SPEF2: variants seen among roughly 807,000 people sequenced by gnomAD.
The protein encoded by SPEF2 is sperm flagellar and cilia associated 2, also known as sperm flagella and cilia-associated protein 2.
In SPEF2, 187 loss-of-function variants were observed where a neutral mutation model predicts 224.6. That is an observed-to-expected ratio of 0.83 (90% CI 0.74 to 0.94). The LOEUF is 0.94. Among genes scored for constraint, SPEF2 ranks in the 40% least tolerant of loss-of-function variants. The pLI is 0.00. For missense variants in SPEF2, 2,170 were observed against 2,135.6 expected (o/e 1.02, Z -0.32); for synonymous variants, 715 against 707.3 (o/e 1.01, Z -0.17).
At chr5:35,649,469 T>A in intron 6 of SPEF2, 44 bp downstream of exon 6, 1 of 1,442,904 alleles carries the variant, frequency 6.9e-7, no homozygotes. Flanking sequence ...CGCATTCTGT[T>A]CTACACATAG....
chr5:35,649,335 G>T (rs1402605319), intron 5 of SPEF2, 26 bp from the exon 6 acceptor site: 1 of 1,591,546 alleles, frequency 6.3e-7, no homozygotes, highest in East Asian at 2.2e-5. Context: ...TAGAGGCAGA[G>T]AACTGATGAT....
At chr5:35,658,960 C>T (rs969423149) in intron 7 of SPEF2, 59 bp from the exon 8 acceptor site, 5 of 1,378,402 alleles carry the variant, frequency 3.6e-6, no homozygotes, top group Middle Eastern at 2.4e-4. Flanking sequence ...GTATAGGCTT[C>T]GTAGCTCAGC....
rs1554048629 is a variant in SPEF2, at chr5:35,751,025, G to GTATATATATACGTA, written c.3331-2588_3331-2587insGTATATATATATAC. ...TATATATATATACGTATATATATACGTATATATATACACATATGTATATAT... is the reference window on the plus strand; with the variant it reads ...TATATATATATACGTATATATATACGTATATATATACGTATATATATATACACATATGTATATAT... On this transcript the variant is annotated intron_variant, in intron 23 of 36. Transcript: ENST00000356031. Among the ~76,000 whole-genome samples, 2 of 68,764 alleles carry GTATATATATACGTA rather than the reference G, an allele frequency of 2.9e-5. 1 individual carries two copies. Among genetic ancestry groups the GTATATATATACGTA allele is most frequent in the Admixed American group, 3.3e-4 (2 of 6,058 alleles). 45.1% of individuals were successfully genotyped at this position (68,764 alleles called of 152,430 possible). A position where few individuals can be genotyped will look rare whatever the true frequency, so the allele number is the denominator to read the frequency against.
chr5:35,708,807 A>G, intron 18 of SPEF2, 141 bp from the exon 19 acceptor site: 1 of 703,862 alleles, frequency 1.4e-6, no homozygotes, highest in East Asian at 2.9e-5. Context: ...GGACTAGATG[A>G]TTTAAGGGAA....
chr5:35,713,775 T>C (rs189566178), intron 20 of SPEF2, among the ~76,000 whole-genome samples: 1 of 121,014 alleles, frequency 8.3e-6, no homozygotes, highest in East Asian at 2.6e-4. Flanking sequence ...ATATAGTATA[T>C]ATATTATATA....
intron 27 of SPEF2, 52 bp downstream of exon 27, chr5:35,771,808 T>C (rs2149783643): frequency 6.5e-7 from 1 of 1,546,388 alleles, no homozygotes; most frequent in Non-Finnish European, 8.7e-7. Context: ...CTCTCCTTCG[T>C]AGAAAACGAG....
At chr5:35,791,317 A>C (rs1755918447) in intron 30 of SPEF2, among the ~76,000 whole-genome samples, 1 of 152,198 alleles carries the variant, frequency 6.6e-6, no homozygotes, top group South Asian at 2.1e-4. Context: ...CCAGAAAATT[A>C]CCTTCCAGAT....
At chr5:35,681,635 TAAAAC>T (rs1752818689) in intron 10 of SPEF2, among the ~76,000 whole-genome samples, 1 of 152,180 alleles carries the variant, frequency 6.6e-6, no homozygotes, top group African/African-American at 2.4e-5. Flanking sequence ...ATAAATATAA[TAAAAC>T]ACAATACAGT....
In SPEF2 at chr5:35,764,051, T is replaced by A. The variant is rs975603518; in HGVS notation, c.3801+349T>A. Among the ~76,000 whole-genome samples, 3 of 152,172 alleles carry A rather than the reference T, an allele frequency of 2.0e-5. No individual in the cohort carries two copies. In the South Asian group the frequency reaches 6.2e-4, roughly 32 times the overall value. On this transcript the variant is annotated intron_variant, in intron 26 of 36. Transcript: ENST00000356031. ...TCACATCCCTGCTTGCAGGGGCACA[T>A]GCAATTGCCATTTAAAAATGAGGTC...
intron 6 of SPEF2, among the ~76,000 whole-genome samples, 161 bp downstream of exon 6, chr5:35,649,586 T>C (rs1471661584): frequency 6.6e-6 from 1 of 152,230 alleles, no homozygotes; most frequent in Non-Finnish European, 1.5e-5. Context: ...TGAGCTAAAG[T>C]TCAGATTGTT....
At chr5:35,661,826 T>C (rs373294494) in intron 8 of SPEF2, among the ~76,000 whole-genome samples, 2 of 152,194 alleles carry the variant, frequency 1.3e-5, no homozygotes, top group East Asian at 3.9e-4. Flanking sequence ...CAGTCTATCA[T>C]TGATTGGCAT....
rs140711352 is a variant in SPEF2, at chr5:35,690,274, C to G, written c.1525-763C>G. 3.0e-4 allele frequency among the ~76,000 whole-genome samples: 45 copies of G among 152,158 alleles called. No individual in the cohort carries two copies. In the East Asian group the frequency reaches 8.3e-3, roughly 28 times the overall value. On this transcript the variant is annotated intron_variant, in intron 10 of 36. Transcript: ENST00000356031. ...AATATTCAGTAGCTTATTATTTGCT[C>G]TGGTCACTCTACTGATTTATTGAAC... is the stretch of plus-strand genomic sequence containing the variant.
At chr5:35,728,610 T>C (rs925775676) in intron 21 of SPEF2, among the ~76,000 whole-genome samples, 4 of 152,202 alleles carry the variant, frequency 2.6e-5, no homozygotes, top group African/African-American at 9.6e-5. Flanking sequence ...ATTATTGAGC[T>C]TTCCTAGGGA....
At chr5:35,745,808 C>A (rs527955718) in intron 23 of SPEF2, among the ~76,000 whole-genome samples, 1 of 152,348 alleles carries the variant, frequency 6.6e-6, no homozygotes, top group East Asian at 1.9e-4. Flanking sequence ...GGTCCCTCTC[C>A]ACGCTACTAC....
At chr5:35,809,592 C>T (rs1421433210) in intron 36 of SPEF2, among the ~76,000 whole-genome samples, 1 of 152,030 alleles carries the variant, frequency 6.6e-6, no homozygotes, top group African/African-American at 2.4e-5. Context: ...GAGCCCCACC[C>T]CATGAATAGC....
chr5:35,752,142 A>G (rs572536834), intron 23 of SPEF2, among the ~76,000 whole-genome samples: 22 of 151,908 alleles, frequency 1.4e-4, no homozygotes, highest in Non-Finnish European at 2.8e-4. Context: ...ATCGGGGAGT[A>G]ATGCTCACTT....
At chr5:35,812,089 C>T (rs538143261) in intron 36 of SPEF2, among the ~76,000 whole-genome samples, 2 of 152,152 alleles carry the variant, frequency 1.3e-5, no homozygotes, top group African/African-American at 4.8e-5. Context: ...CACCTGGCCT[C>T]CCATTACTTT....
intron 2 of SPEF2, 116 bp from the exon 3 acceptor site, chr5:35,641,315 A>G (rs1746590120): frequency 1.7e-6 from 2 of 1,203,514 alleles, no homozygotes; most frequent in Non-Finnish European, 2.3e-6. Context: ...GGAATGATAC[A>G]GCTAAAAGGA....
At chr5:35,637,774 C>T (rs553806702) in intron 2 of SPEF2, among the ~76,000 whole-genome samples, 1 of 152,288 alleles carries the variant, frequency 6.6e-6, no homozygotes, top group South Asian at 2.1e-4. Flanking sequence ...CCTGACCTCT[C>T]AGCCCTTCGC....
Sources: allele counts gnomAD v4.1 joint callset (sites outside exome capture counted in the v4.1 genomes callset), GRCh38; gene constraint gnomAD v4.1.1; transcripts MANE v1.5; gene names NCBI Gene and HGNC (gene_info 2026-07-23, HGNC 2026-07-21).